KANK1: variants seen among roughly 807,000 people sequenced by gnomAD.
KANK1 encodes KN motif and ankyrin repeat domain-containing protein 1.
A neutral mutation model predicts 106.2 loss-of-function variants in KANK1; 109 were observed. The observed-to-expected ratio is 1.03, with a 90% CI of 0.88 to 1.20. The LOEUF (loss-of-function observed/expected upper bound fraction) is 1.20, where lower values mean the gene tolerates loss of function less well. Among genes scored for constraint, KANK1 ranks in the 50% most tolerant of loss-of-function variants. The probability of loss-of-function intolerance (pLI) is 0.00; values close to 1 mark genes in which losing one functional copy is unlikely to be tolerated. For synonymous variants in KANK1, 873 were observed against 652.2 expected (o/e 1.34, Z -5.16); for missense variants, 2,399 against 1,710.7 (o/e 1.40, Z -7.10).
chr9:597,748 C>G (rs1402998538), intron 1 of KANK1, among the ~76,000 whole-genome samples: 6 of 151,638 alleles, frequency 4.0e-5, no homozygotes, highest in Admixed American at 2.0e-4. Context: ...ACTGCAACCT[C>G]TGTCTCCTGG....
chr9:664,774 T>C (rs1844187341), intron 1 of KANK1, among the ~76,000 whole-genome samples: 1 of 152,246 alleles, frequency 6.6e-6, no homozygotes, highest in South Asian at 2.1e-4. Context: ...GTGGCTGTAC[T>C]AATTTACATT....
intron 1 of KANK1, among the ~76,000 whole-genome samples, chr9:624,648 C>G (rs1226031215): frequency 1.3e-5 from 2 of 151,986 alleles, no homozygotes; most frequent in Admixed American, 1.3e-4. Flanking sequence ...ACTAAAAATA[C>G]AAAAATTAGT....
At position 711,179 on chromosome 9, in the gene KANK1, G is replaced by A. The variant is rs763137619; in HGVS notation, c.413G>A (p.Arg138Gln). The change falls in exon 3 of 12, where the codon CGA becomes CAA. Residue 138 changes from arginine to glutamine, a missense_variant. Coordinates refer to ENST00000382297, the MANE Select transcript of KANK1 (RefSeq NM_015158.5). ...SLPFLTIPEN[R>Q]QLPPPSPQLP... ...CCTTTTCTTACCATCCCAGAAAATC[G>A]ACAGCTGCCACCTCCCTCACCACAA... The A allele has an allele frequency of 5.6e-6, 9 of 1,613,882 alleles. No individual in the cohort carries two copies. The highest frequency in any genetic ancestry group is 2.2e-5 in the East Asian group (1 of 44,902).
intron 1 of KANK1, among the ~76,000 whole-genome samples, chr9:534,945 A>G (rs999873199): frequency 6.6e-6 from 1 of 152,180 alleles, no homozygotes; most frequent in African/African-American, 2.4e-5. Flanking sequence ...GCCGAGGGGA[A>G]GCTGAGGTAA....
chr9:585,989 T>C (rs1412156516), intron 1 of KANK1, among the ~76,000 whole-genome samples: 1 of 152,168 alleles, frequency 6.6e-6, no homozygotes, highest in Non-Finnish European at 1.5e-5. Context: ...GTTTGGAAGT[T>C]ATAAGACAAG....
At chr9:649,674 G>C (rs955348934) in intron 1 of KANK1, among the ~76,000 whole-genome samples, 2 of 152,158 alleles carry the variant, frequency 1.3e-5, no homozygotes, top group Admixed American at 1.3e-4. Flanking sequence ...TGGCTTGTTG[G>C]GGCTTGAAGA....
intron 1 of KANK1, among the ~76,000 whole-genome samples, chr9:670,005 C>G (rs763104768): frequency 6.6e-6 from 1 of 152,096 alleles, no homozygotes; most frequent in Non-Finnish European, 1.5e-5. Flanking sequence ...TTGATGCATT[C>G]TGCTGTTGAG....
At chr9:606,174 C>A (rs185275426) in intron 1 of KANK1, among the ~76,000 whole-genome samples, 5,477 of 145,918 alleles carry the variant, frequency 0.038, 439 homozygotes, top group African/African-American at 0.14. Flanking sequence ...CACACACACA[C>A]ACACACACCA....
At chr9:585,535 G>A (rs754862244) in intron 1 of KANK1, among the ~76,000 whole-genome samples, 4 of 152,046 alleles carry the variant, frequency 2.6e-5, no homozygotes, top group Non-Finnish European at 4.4e-5. Flanking sequence ...TGACAGAACC[G>A]ATCCAAAAAA....
At chr9:727,909 C>G (rs771739001) in intron 3 of KANK1, among the ~76,000 whole-genome samples, 1 of 152,084 alleles carries the variant, frequency 6.6e-6, no homozygotes, top group Non-Finnish European at 1.5e-5. Context: ...TCCTGTCAGC[C>G]AGGGGATTCC....
chr9:621,910 C>G (rs1409187477), intron 1 of KANK1, among the ~76,000 whole-genome samples: 1 of 152,110 alleles, frequency 6.6e-6, no homozygotes, highest in Non-Finnish European at 1.5e-5. Context: ...CACCAAAGGG[C>G]TTTGGTTTGT....
intron 1 of KANK1, among the ~76,000 whole-genome samples, chr9:649,677 C>T (rs1332283572): frequency 6.6e-6 from 1 of 152,182 alleles, no homozygotes; most frequent in Non-Finnish European, 1.5e-5. Flanking sequence ...CTTGTTGGGG[C>T]TTGAAGACTG....
rs77736906 is a variant in KANK1 at position 528,139 on chromosome 9, G to GAAAAAA, written c.-84+23396_-84+23401dup. On this transcript the variant is annotated intron_variant, in intron 1 of 11. Coordinates refer to ENST00000382297, the MANE Select transcript of KANK1 (RefSeq NM_015158.5). ...GCAACAGAGCGAGACTCCGTCTCGG[G>GAAAAAA]AAAAAAAAAAAAAAAACTTTTTAGG... 2.5e-3 allele frequency among the ~76,000 whole-genome samples: 320 copies of GAAAAAA among 125,852 alleles called. 1 individual carries two copies. The highest frequency in any genetic ancestry group is 7.5e-3 in the African/African-American group (260 of 34,526). The allele number at this position is 125,852 out of a possible 152,430, so 82.6% of individuals were successfully genotyped here.
chr9:666,104 C>T (rs1292084486), intron 1 of KANK1, among the ~76,000 whole-genome samples: 2 of 151,908 alleles, frequency 1.3e-5, no homozygotes, highest in Admixed American at 6.6e-5. Context: ...TCGCTTGAGA[C>T]CAAGAAATCA....
intron 1 of KANK1, among the ~76,000 whole-genome samples, chr9:561,890 G>A (rs1450047834): frequency 2.6e-5 from 4 of 152,210 alleles, no homozygotes; most frequent in Admixed American, 1.3e-4. Flanking sequence ...AAGCACTGTA[G>A]AAATTGACCA....
chr9:561,017 C>G (rs769530436), intron 1 of KANK1, among the ~76,000 whole-genome samples: 1 of 152,080 alleles, frequency 6.6e-6, no homozygotes, highest in South Asian at 2.1e-4. Flanking sequence ...ATAATCATCC[C>G]GTTGTTTTCT....
chr9:711,973 G>T lies in KANK1; in HGVS notation c.1207G>T (p.Val403Leu), dbSNP rs753182628. 5.0e-6 allele frequency: 8 copies of T among 1,614,104 alleles called. No homozygotes were observed. The highest frequency in any genetic ancestry group is 6.8e-6 in the Non-Finnish European group (8 of 1,180,052). Reference sequence around the variant, plus strand: ...GAATGGAGAGTGCCGGTCTGTGGCTGTGGGTGCCGAGGAGAACATGAACGA... The same window carrying T: ...GAATGGAGAGTGCCGGTCTGTGGCTTTGGGTGCCGAGGAGAACATGAACGA... ...RENGECRSVA[V>L]GAEENMNDIV... Residue 403 changes from valine to leucine, a missense_variant, in exon 3 of 12, where the codon GTG (valine) becomes TTG (leucine). Physicochemically the swap from Val to Leu is conservative, Grantham distance 32 (BLOSUM62 1). Transcript: ENST00000382297.
chr9:629,403 T>C (rs1437422991), intron 1 of KANK1, among the ~76,000 whole-genome samples: 1 of 152,142 alleles, frequency 6.6e-6, no homozygotes, highest in Non-Finnish European at 1.5e-5. Context: ...GGTGCACACA[T>C]GTGACAGAAA....
chr9:703,159 T>C (rs1823114823), intron 2 of KANK1, among the ~76,000 whole-genome samples: 2 of 151,052 alleles, frequency 1.3e-5, no homozygotes, highest in African/African-American at 4.9e-5. Context: ...ACCCAGCTAA[T>C]TTTTGTATTT....
Sources: allele counts gnomAD v4.1 joint callset (sites outside exome capture counted in the v4.1 genomes callset), GRCh38; gene constraint gnomAD v4.1.1; transcripts MANE v1.5; gene names NCBI Gene and HGNC (gene_info 2026-07-23, HGNC 2026-07-21).